The following CAMK1D variants were observed in gnomAD, a reference collection of about 807,000 sequenced individuals.
CAMK1D encodes calcium/calmodulin-dependent protein kinase type 1D.
CAMK1D carries 9 observed loss-of-function variants against 47.7 expected under a neutral mutation model. The observed-to-expected ratio is 0.19, with a 90% CI of 0.11 to 0.33. The LOEUF is 0.33. Among genes scored for constraint, CAMK1D ranks in the 10% least tolerant of loss-of-function variants. The pLI, the probability that CAMK1D is intolerant of heterozygous loss-of-function variation, is 1.00. For synonymous variants in CAMK1D, 184 were observed against 184.9 expected (o/e 0.99, Z 0.04); for missense variants, 291 against 488.7 (o/e 0.60, Z 3.81).
intron 3 of CAMK1D, among the ~76,000 whole-genome samples, chr10:12,707,663 C>T (rs1833776721): frequency 1.3e-5 from 2 of 152,132 alleles, no homozygotes; most frequent in Admixed American, 1.3e-4. Flanking sequence ...GGGCAGAGGC[C>T]AATTTATTCA....
intron 1 of CAMK1D, among the ~76,000 whole-genome samples, chr10:12,496,040 G>T (rs1229966426): frequency 1.3e-5 from 2 of 151,904 alleles, no homozygotes; most frequent in Non-Finnish European, 2.9e-5. Context: ...TGTTGTCCAG[G>T]CTGGTCTTGA....
chr10:12,586,453 GAAAAAA>G (rs201388483), intron 2 of CAMK1D, among the ~76,000 whole-genome samples: 1 of 111,722 alleles, frequency 9.0e-6, no homozygotes, highest in Non-Finnish European at 1.8e-5. Flanking sequence ...CCTCTCAAAA[GAAAAAA>G]AAAAAAAAAA....
intron 1 of CAMK1D, among the ~76,000 whole-genome samples, chr10:12,542,163 G>C (rs552145218): frequency 5.5e-4 from 84 of 152,294 alleles, no homozygotes; most frequent in African/African-American, 2.0e-3. Context: ...ACAGGCATGA[G>C]CCATGGAACC....
At chr10:12,602,186 G>A (rs775733818) in intron 2 of CAMK1D, among the ~76,000 whole-genome samples, 1 of 152,238 alleles carries the variant, frequency 6.6e-6, no homozygotes, top group African/African-American at 2.4e-5. Flanking sequence ...GGAAAGCCCT[G>A]TATAAACTCA....
At chr10:12,781,675 G>A (rs531571792) in intron 5 of CAMK1D, among the ~76,000 whole-genome samples, 36 of 145,456 alleles carry the variant, frequency 2.5e-4, no homozygotes, top group African/African-American at 9.0e-4. Flanking sequence ...TTTTTGAAAC[G>A]GAGTCTTGCT....
In CAMK1D at chr10:12,700,599, C is replaced by T. The variant is rs559257731; in HGVS notation, c.299+33789C>T. ...ACTAAGTAGCTCTGTAGCACTGTGC[C>T]TGCGGCCTGTTTCAAACAAAATCTC... On this transcript the variant is annotated intron_variant, in intron 3 of 10. Transcript: ENST00000619168. Among the ~76,000 whole-genome samples the T allele has an allele frequency of 7.9e-5, 12 of 152,276 alleles. No individual in the cohort carries two copies. In the East Asian group the frequency reaches 2.3e-3, roughly 29 times the overall value.
intron 1 of CAMK1D, among the ~76,000 whole-genome samples, chr10:12,534,906 A>G (rs1471799376): frequency 3.9e-5 from 6 of 152,064 alleles, no homozygotes; most frequent in Non-Finnish European, 8.8e-5. Flanking sequence ...GGAAGTGCCC[A>G]TGTCATTCAT....
intron 1 of CAMK1D, among the ~76,000 whole-genome samples, chr10:12,472,229 C>G (rs1249545063): frequency 6.6e-6 from 1 of 152,108 alleles, no homozygotes. Context: ...TCATTTCCCC[C>G]TTGCCTGTCT....
rs1170248934 is a variant in CAMK1D at position 12,422,282 on chromosome 10, C to T, written c.92+72372C>T. On this transcript the variant is annotated intron_variant, in intron 1 of 10. Coordinates refer to ENST00000619168, the MANE Select transcript of CAMK1D (RefSeq NM_153498.4). Reference sequence around the variant, plus strand: ...GAGGGGCAAACAAGTCTGGTGGTGACGACTATAGTCCGGATTTTAGTCGTG... The same window carrying T: ...GAGGGGCAAACAAGTCTGGTGGTGATGACTATAGTCCGGATTTTAGTCGTG... Among the ~76,000 whole-genome samples the T allele has an allele frequency of 4.6e-5, 7 of 152,236 alleles. No individual in the cohort carries two copies. The South Asian group carries it at 6.2e-4, about 14-fold the overall frequency.
chr10:12,422,217 G>A (rs1472793520), intron 1 of CAMK1D, among the ~76,000 whole-genome samples: 4 of 152,144 alleles, frequency 2.6e-5, no homozygotes, highest in Admixed American at 6.5e-5. Flanking sequence ...GTGGTTATAC[G>A]GTGTGAAAAT....
At chr10:12,600,926 T>A (rs1838282748) in intron 2 of CAMK1D, among the ~76,000 whole-genome samples, 1 of 152,232 alleles carries the variant, frequency 6.6e-6, no homozygotes, top group South Asian at 2.1e-4. Flanking sequence ...TGGCCTCCAC[T>A]TCCACCCACC....
intron 1 of CAMK1D, among the ~76,000 whole-genome samples, chr10:12,373,183 C>T (rs989384714): frequency 3.9e-5 from 6 of 151,912 alleles, no homozygotes; most frequent in South Asian, 2.1e-4. Context: ...TGTGGTGGTG[C>T]GTGCTTGTAG....
chr10:12,386,751 A>G (rs1205530810), intron 1 of CAMK1D, among the ~76,000 whole-genome samples: 2 of 152,214 alleles, frequency 1.3e-5, no homozygotes, highest in African/African-American at 4.8e-5. Flanking sequence ...GAAATGACAG[A>G]TGACTTTAAT....
chr10:12,511,480 G>A lies in CAMK1D; in HGVS notation c.93-41745G>A, dbSNP rs537161369. Among the ~76,000 whole-genome samples the A allele has an allele frequency of 2.0e-3, 299 of 152,222 alleles. 4 individuals are homozygous for A. The highest frequency in any genetic ancestry group is 2.7e-3 in the South Asian group (13 of 4,820). ...AAACAAATTGGTCAGGTGTGGTGGT[G>A]CATGCTTGTGGCCCCAGCTACCTGG... On this transcript the variant is annotated intron_variant, in intron 1 of 10. Transcript: ENST00000619168.
chr10:12,809,040 C>A (rs1464101813), intron 6 of CAMK1D, among the ~76,000 whole-genome samples: 2 of 151,898 alleles, frequency 1.3e-5, no homozygotes, highest in African/African-American at 2.4e-5. Flanking sequence ...TTACTTGAAC[C>A]CAGCAGGCAG....
intron 6 of CAMK1D, among the ~76,000 whole-genome samples, chr10:12,811,618 TG>T (rs1832610069): frequency 6.6e-6 from 1 of 152,182 alleles, no homozygotes; most frequent in Non-Finnish European, 1.5e-5. Context: ...CAGAAGAAAC[TG>T]GAATATACAT....
chr10:12,744,216 G>A (rs1835560778), intron 3 of CAMK1D, among the ~76,000 whole-genome samples: 1 of 152,054 alleles, frequency 6.6e-6, no homozygotes, highest in Admixed American at 6.6e-5. Flanking sequence ...AATATATTTT[G>A]TTTTTCCATT....
At chr10:12,415,375 G>A (rs952049032) in intron 1 of CAMK1D, among the ~76,000 whole-genome samples, 4 of 150,948 alleles carry the variant, frequency 2.6e-5, no homozygotes, top group Non-Finnish European at 4.4e-5. Flanking sequence ...TGCAACCTCC[G>A]CCTCCCAGGT....
chr10:12,801,554 CATCCATTCACCA>C, intron 6 of CAMK1D, among the ~76,000 whole-genome samples: 1 of 151,910 alleles, frequency 6.6e-6, no homozygotes, highest in Non-Finnish European at 1.5e-5. Context: ...TCCACCCATC[CATCCATTCACCA>C]ATCCATTCAT....
Sources: allele counts gnomAD v4.1 joint callset (sites outside exome capture counted in the v4.1 genomes callset), GRCh38; gene constraint gnomAD v4.1.1; transcripts MANE v1.5; gene names NCBI Gene and HGNC (gene_info 2026-07-23, HGNC 2026-07-21).